The following MEGF6 variants were observed in gnomAD, a reference collection of about 807,000 sequenced individuals.
MEGF6 encodes the protein multiple epidermal growth factor-like domains protein 6.
A neutral mutation model predicts 207.1 loss-of-function variants in MEGF6; 184 were observed. The observed-to-expected ratio is 0.89, with a 90% CI of 0.79 to 1.00. The LOEUF is 1.00. Ranked by LOEUF, MEGF6 falls within the 50% of genes least tolerant of loss-of-function variation. The probability of loss-of-function intolerance (pLI) is 0.00; values close to 1 mark genes in which losing one functional copy is unlikely to be tolerated. For synonymous variants in MEGF6, 1,038 were observed against 910.0 expected, an observed-to-expected ratio of 1.14 and a Z score of -2.53; for missense variants, 2,282 against 2,202.9, an observed-to-expected ratio of 1.04 and a Z score of -0.72.
At chr1:3,581,755 G>A (rs556328948) in intron 3 of MEGF6, among the ~76,000 whole-genome samples, 10 of 152,232 alleles carry the variant, frequency 6.6e-5, no homozygotes, top group South Asian at 4.1e-4. Flanking sequence ...GCTGAAGGAC[G>A]GAAGGCAGGA....
rs946614733 is a variant in MEGF6 at position 3,560,084 on chromosome 1, G to A, written c.481+19741C>T. On this transcript the variant is annotated intron_variant, in intron 4 of 36. Transcript: ENST00000356575. The surrounding 1 kb of genome is among the most constrained non-coding windows in gnomAD (Gnocchi z 4.0). ...CTGGGAGTCGGGAGGTGCTCTCAGG[G>A]CAGGAGAGGGCCTGGCAAGGTTAGT... 7.3e-5 allele frequency among the ~76,000 whole-genome samples: 11 copies of A among 149,870 alleles called. No individual in the cohort carries two copies. Among genetic ancestry groups the A allele is most frequent in the Non-Finnish European group, 1.5e-4 (10 of 67,594 alleles).
intron 34 of MEGF6, 69 bp from the exon 35 acceptor site, chr1:3,492,836 G>A: frequency 1.3e-6 from 2 of 1,562,714 alleles, no homozygotes; most frequent in Non-Finnish European, 1.7e-6. Context: ...AAGGAGCCTG[G>A]GCCTAGGGGC....
At chr1:3,502,358 G>A (rs978190267) in intron 17 of MEGF6, among the ~76,000 whole-genome samples, 3 of 152,142 alleles carry the variant, frequency 2.0e-5, no homozygotes, top group Non-Finnish European at 4.4e-5. Flanking sequence ...GTCACCAGAG[G>A]ACCTGTCCTG....
Position 3,491,677 on chromosome 1 carries a change from C to G in MEGF6, c.4517-718G>C, listed in dbSNP as rs1225027323. Among the ~76,000 whole-genome samples, 5 of 151,988 alleles carry G rather than the reference C, an allele frequency of 3.3e-5. No individual in the cohort carries two copies. In the East Asian group the frequency reaches 9.7e-4, roughly 30 times the overall value. ...GCCTGGCGCCCGGCCTTTGCCCCGCCCACATGTCTTGCCCCGCACAGGCCC... is the reference window on the plus strand; with the variant it reads ...GCCTGGCGCCCGGCCTTTGCCCCGCGCACATGTCTTGCCCCGCACAGGCCC... On this transcript the variant is annotated intron_variant, in intron 35 of 36. Transcript: ENST00000356575.
intron 4 of MEGF6, among the ~76,000 whole-genome samples, chr1:3,534,407 G>C (rs1260872562): frequency 6.6e-6 from 1 of 152,186 alleles, no homozygotes; most frequent in Non-Finnish European, 1.5e-5. Flanking sequence ...TATGGCTTGC[G>C]TGTGTGGCTC....
At chr1:3,580,948 C>A (rs1319789472) in intron 3 of MEGF6, among the ~76,000 whole-genome samples, 2 of 152,036 alleles carry the variant, frequency 1.3e-5, no homozygotes, top group African/African-American at 4.8e-5. Flanking sequence ...GGGGGCCCTG[C>A]CGGTGGCTGG....
chr1:3,593,060 G>T (rs952262662), intron 3 of MEGF6, among the ~76,000 whole-genome samples: 53 of 152,266 alleles, frequency 3.5e-4, no homozygotes, highest in African/African-American at 1.2e-3. Context: ...TTCTTCTAAG[G>T]CTCCAGGGTC....
chr1:3,607,010 C>T (rs1644258662), intron 1 of MEGF6, among the ~76,000 whole-genome samples: 1 of 152,086 alleles, frequency 6.6e-6, no homozygotes, highest in South Asian at 2.1e-4. Flanking sequence ...ATCTCTGAGC[C>T]CTCAATTCAG....
chr1:3,619,702 A>C, the MEGF6 span, among the ~76,000 whole-genome samples: 1 of 150,648 alleles, frequency 6.6e-6, no homozygotes, highest in South Asian at 2.1e-4. Flanking sequence ...ATGGTGAGTC[A>C]ATTGAACCTC....
intron 4 of MEGF6, among the ~76,000 whole-genome samples, chr1:3,577,273 A>G (rs1643669885): frequency 1.3e-5 from 2 of 152,198 alleles, no homozygotes. Flanking sequence ...AAGGGCCACA[A>G]GCCAGCCACA....
chr1:3,536,279 CATTT>C (rs968127641), intron 4 of MEGF6, among the ~76,000 whole-genome samples: 5 of 147,292 alleles, frequency 3.4e-5, no homozygotes, highest in African/African-American at 4.9e-5. Flanking sequence ...TTGGCTCATT[CATTT>C]AGTTTTTTAT....
At chr1:3,622,623 G>A in the MEGF6 span, among the ~76,000 whole-genome samples, 1 of 152,134 alleles carries the variant, frequency 6.6e-6, no homozygotes, top group Non-Finnish European at 1.5e-5. Flanking sequence ...TGTGAAGATG[G>A]AGGCAGGGAT....
intron 4 of MEGF6, among the ~76,000 whole-genome samples, chr1:3,562,883 G>A (rs918166356): frequency 6.6e-6 from 1 of 152,138 alleles, no homozygotes; most frequent in African/African-American, 2.4e-5. Flanking sequence ...GACAGTGGAG[G>A]TGAGGACCTT....
Position 3,508,623 on chromosome 1 carries a change from G to T in MEGF6, c.1595C>A (p.Thr532Asn). The T allele has an allele frequency of 6.2e-7, 1 of 1,613,534 alleles. No individual in the cohort carries two copies. Among genetic ancestry groups the T allele is most frequent in the South Asian group, 1.1e-5 (1 of 91,080 alleles). The stretch of plus-strand genomic sequence containing the variant: ...ACAGCCATCCAGGCCCAGGAGGCAG[G>T]TCCCTCCGTTCCTGCAGTCATCACA... The part of the protein sequence containing the change: ...LTCDDCRNGG[T>N]CLLGLDGCDC... Residue 532 changes from threonine to asparagine, a missense_variant, in exon 13 of 37, where the codon ACC (threonine) becomes AAC (asparagine). By Grantham distance (65) the Thr-to-Asn change is moderately conservative. Coordinates refer to ENST00000356575, the MANE Select transcript of MEGF6 (RefSeq NM_001409.4).
At chr1:3,582,107 T>G (rs7536401) in intron 3 of MEGF6, among the ~76,000 whole-genome samples, 1 of 152,220 alleles carries the variant, frequency 6.6e-6, no homozygotes, top group East Asian at 1.9e-4. Context: ...CTACCACAGA[T>G]GCACCCAGCA....
At chr1:3,493,375 T>G (rs969913884) in intron 34 of MEGF6, 1 of 254,054 alleles carries the variant, frequency 3.9e-6, no homozygotes, top group East Asian at 1.0e-4. Flanking sequence ...CTCAGGTGGG[T>G]CCCTCCTATC....
Position 3,494,484 on chromosome 1 carries a change from C to T in MEGF6, c.4016G>A (p.Arg1339His), listed in dbSNP as rs200030558. ...RHCELACPPG[R>H]YGAACHLECS... The stretch of plus-strand genomic sequence containing the variant: ...CTCCAGATGGCAGGCGGCTCCGTAG[C>T]GCCCAGGGGGACAGGCTGGGGACAG... Residue 1339 changes from arginine to histidine, a missense_variant, in exon 32 of 37, where the codon CGC (arginine) becomes CAC (histidine). Transcript: ENST00000356575. 68 of 1,587,760 alleles carry T rather than the reference C, an allele frequency of 4.3e-5. No homozygotes were observed. Among genetic ancestry groups the T allele is most frequent in the African/African-American group, 5.4e-5 (4 of 74,368 alleles).
At chr1:3,569,953 A>G (rs1026106037) in intron 4 of MEGF6, among the ~76,000 whole-genome samples, 1 of 152,256 alleles carries the variant, frequency 6.6e-6, no homozygotes. Flanking sequence ...GCATTATCCC[A>G]GGAGAAAGAC....
chr1:3,497,477 G>A (rs919573710), intron 26 of MEGF6, 116 bp from the exon 27 acceptor site: 16 of 1,287,724 alleles, frequency 1.2e-5, no homozygotes, highest in African/African-American at 6.1e-5. Context: ...GGCTGAACTG[G>A]GGGCTGTGCT....
Sources: gnomAD v4.1 joint callset for allele counts (sites outside exome capture counted in the v4.1 genomes callset) on GRCh38, gnomAD v4.1.1 for gene constraint, Gnocchi (gnomAD v3.1) non-coding constraint, MANE v1.5 for transcripts, NCBI Gene and HGNC (gene_info 2026-07-23, HGNC 2026-07-21) for gene names.